The following WWTR1 variants were observed in gnomAD, a reference collection of about 807,000 sequenced individuals.
The protein encoded by WWTR1 is WW domain-containing transcription regulator protein 1.
In WWTR1, 13 loss-of-function variants were observed where a neutral mutation model predicts 40.1. The observed-to-expected ratio is 0.32, with a 90% confidence interval of 0.21 to 0.52. The LOEUF (loss-of-function observed/expected upper bound fraction) is 0.52, where lower values mean the gene tolerates loss of function less well. Ranked by LOEUF, WWTR1 falls within the 20% of genes least tolerant of loss-of-function variation. The probability of loss-of-function intolerance (pLI) is 0.97; values close to 1 mark genes in which losing one functional copy is unlikely to be tolerated. For missense variants in WWTR1, 436 were observed against 523.1 expected, an observed-to-expected ratio of 0.83 and a Z score of 1.63; for synonymous variants, 230 against 210.1, an observed-to-expected ratio of 1.09 and a Z score of -0.82.
At chr3:149,544,866 G>C (rs1736295848) in intron 3 of WWTR1, among the ~76,000 whole-genome samples, 1 of 152,212 alleles carries the variant, frequency 6.6e-6, no homozygotes, top group African/African-American at 2.4e-5. Flanking sequence ...AGCCTGGATA[G>C]ATTTACAACT....
intron 4 of WWTR1, among the ~76,000 whole-genome samples, chr3:149,529,314 G>C (rs749379698): frequency 6.6e-6 from 1 of 152,120 alleles, no homozygotes. Flanking sequence ...TTAGAGGGTA[G>C]CTGCTGTCTA....
At chr3:149,655,605 C>T (rs1476882301) in intron 2 of WWTR1, among the ~76,000 whole-genome samples, 1 of 152,210 alleles carries the variant, frequency 6.6e-6, no homozygotes, top group Non-Finnish European at 1.5e-5. Flanking sequence ...ACCATCAAGT[C>T]TGTTTCAGAA....
chr3:149,570,478 A>C (rs1737564435), intron 3 of WWTR1, among the ~76,000 whole-genome samples: 1 of 152,142 alleles, frequency 6.6e-6, no homozygotes, highest in Non-Finnish European at 1.5e-5. Context: ...CTGAGGCATG[A>C]GAATTGCTTG....
At chr3:149,700,160 T>C (rs1227760666) in intron 1 of WWTR1, among the ~76,000 whole-genome samples, 3 of 152,160 alleles carry the variant, frequency 2.0e-5, no homozygotes, top group African/African-American at 4.8e-5. Flanking sequence ...AGCTTATCTA[T>C]TTACTTTTTA....
At chr3:149,653,562 G>A (rs1052119977) in intron 2 of WWTR1, among the ~76,000 whole-genome samples, 10 of 152,212 alleles carry the variant, frequency 6.6e-5, no homozygotes, top group Admixed American at 2.6e-4. Context: ...AACACCACAG[G>A]AAAGCTGTGA....
At chr3:149,681,114 A>T (rs13082162) in intron 1 of WWTR1, among the ~76,000 whole-genome samples, 45,649 of 152,174 alleles carry the variant, frequency 0.3, 7,162 homozygotes, top group Admixed American at 0.39. Context: ...TGCCATCCAA[A>T]GAGACTGAAT....
intron 2 of WWTR1, among the ~76,000 whole-genome samples, chr3:149,616,478 T>C (rs1319000476): frequency 6.6e-6 from 1 of 151,960 alleles, no homozygotes; most frequent in Non-Finnish European, 1.5e-5. Flanking sequence ...GTTTCACTCT[T>C]GTTGCCCAGG....
chr3:149,635,366 C>T (rs567290031), intron 2 of WWTR1, among the ~76,000 whole-genome samples: 10 of 152,066 alleles, frequency 6.6e-5, no homozygotes, highest in Non-Finnish European at 1.3e-4. Context: ...AGTCCCATTA[C>T]TAGGAAAACG....
intron 3 of WWTR1, among the ~76,000 whole-genome samples, chr3:149,546,002 T>A (rs972192580): frequency 1.4e-4 from 21 of 152,196 alleles, no homozygotes; most frequent in African/African-American, 5.1e-4. Context: ...GAAAGCCACA[T>A]AGCAACCAGA....
At chr3:149,655,282 T>C (rs1162639151) in intron 2 of WWTR1, among the ~76,000 whole-genome samples, 4 of 145,104 alleles carry the variant, frequency 2.8e-5, no homozygotes, top group Non-Finnish European at 6.0e-5. Flanking sequence ...TCGTCTCTAC[T>C]AAAAATACAA....
rs1734921015 is a variant in WWTR1 at position 149,519,049 on chromosome 3, G to A, written c.*1756C>T. 6.6e-6 allele frequency: 1 copy of A among 151,898 alleles called. No individual in the cohort carries two copies. Among genetic ancestry groups the A allele is most frequent in the Non-Finnish European group, 1.5e-5 (1 of 68,000 alleles). 9.4% of individuals were successfully genotyped at this position (151,898 alleles called of 1,614,324 possible). A position where few individuals can be genotyped will look rare whatever the true frequency, so the allele number is the denominator to read the frequency against. Reference sequence around the variant, plus strand: ...ATCCCCAACAAATAAGTCCCCCATGGAAATTGAAAGTATCCTCTCAGAGAC... The same window carrying A: ...ATCCCCAACAAATAAGTCCCCCATGAAAATTGAAAGTATCCTCTCAGAGAC... On this transcript the variant is annotated 3_prime_UTR_variant, in exon 7 of 7. Coordinates refer to ENST00000360632, the MANE Select transcript of WWTR1 (RefSeq NM_015472.6).
chr3:149,570,251 T>G (rs759155540), intron 3 of WWTR1, among the ~76,000 whole-genome samples: 1 of 152,188 alleles, frequency 6.6e-6, no homozygotes, highest in Admixed American at 6.5e-5. Flanking sequence ...AATGTGCGTC[T>G]TGAGAAATTC....
chr3:149,657,310 C>T lies in WWTR1; in HGVS notation c.-3-1G>A. On this transcript the variant is annotated splice_acceptor_variant, in intron 1 of 6. Transcript: ENST00000360632. LOFTEE classifies it low-confidence loss of function (5UTR_SPLICE). The stretch of plus-strand genomic sequence containing the variant: ...GGGGCGCCGAGGCCGGATTCATCTT[C>T]TGCAAAAAGAAGGTCAGATCAGCCT... 1 of 1,607,012 alleles carries T rather than the reference C, an allele frequency of 6.2e-7. No individual in the cohort carries two copies. Among genetic ancestry groups the T allele is most frequent in the South Asian group, 1.1e-5 (1 of 89,602 alleles).
intron 1 of WWTR1, among the ~76,000 whole-genome samples, chr3:149,675,305 A>G (rs764467316): frequency 6.6e-6 from 1 of 152,168 alleles, no homozygotes; most frequent in Admixed American, 6.5e-5. Flanking sequence ...CTGCTGAAGG[A>G]CTTTAGGGAA....
intron 2 of WWTR1, among the ~76,000 whole-genome samples, chr3:149,640,299 A>T (rs1234683802): frequency 1.3e-5 from 2 of 152,218 alleles, no homozygotes; most frequent in Non-Finnish European, 2.9e-5. Context: ...GAAACTATTT[A>T]TCAGATCCAG....
chr3:149,700,134 T>C (rs1219694966), intron 1 of WWTR1, among the ~76,000 whole-genome samples: 1 of 152,134 alleles, frequency 6.6e-6, no homozygotes, highest in African/African-American at 2.4e-5. Context: ...CATCACATGG[T>C]GACAGTGGAA....
chr3:149,684,006 A>C (rs1714547144), intron 1 of WWTR1, among the ~76,000 whole-genome samples: 1 of 152,196 alleles, frequency 6.6e-6, no homozygotes, highest in Admixed American at 6.5e-5. Context: ...TTTTGTTCAT[A>C]ATAGCAAAAG....
chr3:149,670,537 G>C (rs959810510), intron 1 of WWTR1, among the ~76,000 whole-genome samples: 1 of 151,862 alleles, frequency 6.6e-6, no homozygotes, highest in Non-Finnish European at 1.5e-5. Context: ...CCAGCTACTC[G>C]GGAGGATGAG....
chr3:149,592,956 GA>G, intron 2 of WWTR1, among the ~76,000 whole-genome samples: 1 of 152,096 alleles, frequency 6.6e-6, no homozygotes, highest in South Asian at 2.1e-4. Context: ...ATGCCACATT[GA>G]AAAACACACC....
Sources: allele counts gnomAD v4.1 joint callset (sites outside exome capture counted in the v4.1 genomes callset), GRCh38; gene constraint gnomAD v4.1.1; transcripts MANE v1.5; gene names NCBI Gene and HGNC (gene_info 2026-07-23, HGNC 2026-07-21).